Variants in GRM5 observed in about 807,000 individuals in gnomAD.
GRM5 encodes the protein metabotropic glutamate receptor 5.
Under a neutral mutation model 83.1 loss-of-function variants are expected in GRM5, and 19 were observed. That is an observed-to-expected ratio of 0.23 (90% CI 0.16 to 0.34). The LOEUF (loss-of-function observed/expected upper bound fraction) is 0.34, where lower values mean the gene tolerates loss of function less well. Among genes scored for constraint, GRM5 ranks in the 10% least tolerant of loss-of-function variants. The pLI, the probability that GRM5 is intolerant of heterozygous loss-of-function variation, is 1.00. For missense variants in GRM5, 1,160 were observed against 1,588.3 expected (o/e 0.73, Z 4.58); for synonymous variants, 675 against 633.6 (o/e 1.07, Z -0.98).
At chr11:89,063,765 G>A (rs113076649) in intron 1 of GRM5, 2,176 of 152,336 alleles carry the variant, frequency 0.014, 29 homozygotes, top group Middle Eastern at 0.017. Context: ...AGTTCTTTGC[G>A]CAACTTTTTG....
intron 8 of GRM5, among the ~76,000 whole-genome samples, chr11:88,547,415 A>G (rs539176634): frequency 6.6e-6 from 1 of 152,264 alleles, no homozygotes; most frequent in East Asian, 1.9e-4. Context: ...CTCAAGGACC[A>G]CAGATTGACC....
At chr11:88,920,248 AGAC>A (rs1945664657) in intron 2 of GRM5, among the ~76,000 whole-genome samples, 1 of 152,028 alleles carries the variant, frequency 6.6e-6, no homozygotes, top group African/African-American at 2.4e-5. Flanking sequence ...GGATCATTGT[AGAC>A]TACTATGAGC....
At chr11:88,702,455 C>A (rs1941056684) in intron 3 of GRM5, among the ~76,000 whole-genome samples, 1 of 152,044 alleles carries the variant, frequency 6.6e-6, no homozygotes, top group African/African-American at 2.4e-5. Flanking sequence ...TCCAATAAAA[C>A]CCCTATATTT....
chr11:88,564,580 T>C (rs7949902), intron 8 of GRM5, among the ~76,000 whole-genome samples: 20,487 of 152,112 alleles, frequency 0.13, 1,814 homozygotes, highest in African/African-American at 0.25. Context: ...TAAAAGTTAA[T>C]AGTACAACTA....
intron 2 of GRM5, among the ~76,000 whole-genome samples, chr11:89,015,933 G>A (rs540272794): frequency 1.6e-4 from 25 of 152,164 alleles, no homozygotes; most frequent in Admixed American, 4.6e-4. Flanking sequence ...GATCTAGAAG[G>A]CATGATATAT....
intron 2 of GRM5, among the ~76,000 whole-genome samples, chr11:88,988,194 C>T (rs544531202): frequency 2.6e-5 from 4 of 151,838 alleles, no homozygotes; most frequent in South Asian, 2.1e-4. Context: ...AACCAAGGCT[C>T]GAGAACTACG....
At chr11:88,519,773 T>TA (rs1326058824) in intron 9 of GRM5, among the ~76,000 whole-genome samples, 1 of 152,106 alleles carries the variant, frequency 6.6e-6, no homozygotes, top group Non-Finnish European at 1.5e-5. Context: ...AGTAAATACG[T>TA]AAAAAACAAC....
At chr11:88,880,152 T>C (rs906148954) in intron 2 of GRM5, among the ~76,000 whole-genome samples, 4 of 152,026 alleles carry the variant, frequency 2.6e-5, no homozygotes, top group African/African-American at 9.7e-5. Context: ...CAGCATGCAA[T>C]TTTTGGCTGT....
intron 2 of GRM5, among the ~76,000 whole-genome samples, chr11:88,983,156 T>A (rs1441733380): frequency 6.6e-6 from 1 of 152,226 alleles, no homozygotes; most frequent in Non-Finnish European, 1.5e-5. Context: ...AAATTCACAT[T>A]TTTTAAGTGT....
chr11:88,715,314 T>A (rs1266995347), intron 3 of GRM5, among the ~76,000 whole-genome samples: 1 of 151,966 alleles, frequency 6.6e-6, no homozygotes, highest in Non-Finnish European at 1.5e-5. Context: ...GACTTTGGGC[T>A]AAGGCATGGT....
At chr11:88,931,340 G>A (rs907377657) in intron 2 of GRM5, among the ~76,000 whole-genome samples, 4 of 151,738 alleles carry the variant, frequency 2.6e-5, no homozygotes, top group African/African-American at 9.7e-5. Flanking sequence ...ACCACTTTAA[G>A]GAATATGCAT....
intron 2 of GRM5, among the ~76,000 whole-genome samples, chr11:89,034,000 G>A (rs1941324620): frequency 6.6e-6 from 1 of 151,062 alleles, no homozygotes; most frequent in African/African-American, 2.4e-5. Flanking sequence ...AATATAAAAA[G>A]TGTTTATTTA....
intron 2 of GRM5, among the ~76,000 whole-genome samples, chr11:88,994,330 C>T (rs1940096406): frequency 6.6e-6 from 1 of 151,646 alleles, no homozygotes; most frequent in East Asian, 1.9e-4. Context: ...ACATTAAATG[C>T]AATCCCTATC....
intron 1 of GRM5, among the ~76,000 whole-genome samples, chr11:89,055,166 C>T (rs1941847184): frequency 6.6e-6 from 1 of 152,172 alleles, no homozygotes; most frequent in Admixed American, 6.5e-5. Context: ...CAATTGTCTT[C>T]ATAGCAGAGT....
intron 3 of GRM5, among the ~76,000 whole-genome samples, chr11:88,671,467 A>G (rs954099782): frequency 4.6e-5 from 7 of 151,902 alleles, no homozygotes; most frequent in East Asian, 1.9e-4. Context: ...TCTTTTTTCA[A>G]CTCTTACATT....
At chr11:88,607,084 TAG>T (rs1488100833) in intron 4 of GRM5, among the ~76,000 whole-genome samples, 8 of 152,208 alleles carry the variant, frequency 5.3e-5, no homozygotes, top group African/African-American at 1.9e-4. Flanking sequence ...ATTTCCCCAG[TAG>T]AGAGTCTCCC....
chr11:88,532,041 A>C (rs1942023230), intron 8 of GRM5, among the ~76,000 whole-genome samples: 3 of 152,120 alleles, frequency 2.0e-5, no homozygotes, highest in African/African-American at 7.2e-5. Flanking sequence ...GCTTTAAACT[A>C]TTCATAGAAA....
chr11:89,029,309 G>A (rs1287793975), intron 2 of GRM5, among the ~76,000 whole-genome samples: 1 of 152,106 alleles, frequency 6.6e-6, no homozygotes, highest in African/African-American at 2.4e-5. Context: ...GGATTATTCT[G>A]TCAGTATAAT....
chr11:89,039,702 C>G (rs1941483551), intron 2 of GRM5, among the ~76,000 whole-genome samples: 1 of 152,154 alleles, frequency 6.6e-6, no homozygotes, highest in African/African-American at 2.4e-5. Context: ...CTAAAGGTAG[C>G]AGTCAGGGCC....
Sources: allele counts gnomAD v4.1 joint callset (sites outside exome capture counted in the v4.1 genomes callset), GRCh38; gene constraint gnomAD v4.1.1; transcripts MANE v1.5; gene names NCBI Gene and HGNC (gene_info 2026-07-23, HGNC 2026-07-21).